ZSCAN4: variants seen among roughly 807,000 people sequenced by gnomAD.
ZSCAN4 encodes zinc finger and SCAN domain containing 4, also known as zinc finger and SCAN domain-containing protein 4.
Under a neutral mutation model 18.3 loss-of-function variants are expected in ZSCAN4, and 18 were observed. That is an observed-to-expected ratio of 0.98 (90% CI 0.68 to 1.46). The LOEUF (loss-of-function observed/expected upper bound fraction) is 1.46, where lower values mean the gene tolerates loss of function less well. Among genes scored for constraint, ZSCAN4 ranks in the 40% most tolerant of loss-of-function variants. ZSCAN4 has a pLI of 0.00. For missense variants in ZSCAN4, 498 were observed against 511.4 expected (o/e 0.97, Z 0.25); for synonymous variants, 193 against 180.3 (o/e 1.07, Z -0.57).
intron 2 of ZSCAN4, among the ~76,000 whole-genome samples, chr19:57,672,010 A>G (rs1184114969): frequency 6.6e-6 from 1 of 152,218 alleles, no homozygotes; most frequent in Non-Finnish European, 1.5e-5. Flanking sequence ...TGGAGAAAAA[A>G]CACAAAAATA....
the ZSCAN4 span, among the ~76,000 whole-genome samples, chr19:57,652,199 C>G: frequency 2.0e-5 from 3 of 152,178 alleles, no homozygotes; most frequent in African/African-American, 7.2e-5. Context: ...CATCCAGAAC[C>G]TCAAAACCCT....
At chr19:57,659,442 A>C in the ZSCAN4 span, among the ~76,000 whole-genome samples, 1 of 152,190 alleles carries the variant, frequency 6.6e-6, no homozygotes, top group Non-Finnish European at 1.5e-5. Flanking sequence ...GCTGGAGTTC[A>C]GTGGCATGAT....
the ZSCAN4 span, among the ~76,000 whole-genome samples, chr19:57,653,820 A>T: frequency 3.3e-5 from 5 of 152,268 alleles, no homozygotes; most frequent in African/African-American, 9.6e-5. Flanking sequence ...GCTGCCCTCA[A>T]AACCTTGCCC....
chr19:57,667,417 T>G (rs1176369183), upstream of ZSCAN4, among the ~76,000 whole-genome samples: 2 of 152,186 alleles, frequency 1.3e-5, no homozygotes, highest in Non-Finnish European at 2.9e-5. Flanking sequence ...TTACAGGCTA[T>G]GTAGCACTGG....
intron 1 of ZSCAN4, among the ~76,000 whole-genome samples, chr19:57,669,733 GTT>G (rs56066537): frequency 1.4e-5 from 2 of 147,672 alleles, no homozygotes; most frequent in Admixed American, 6.7e-5. Context: ...GTTTTGTTTT[GTT>G]TTTTTTTTAG....
chr19:57,667,932 C>T (rs1474482774), upstream of ZSCAN4, among the ~76,000 whole-genome samples: 1 of 151,938 alleles, frequency 6.6e-6, no homozygotes, highest in African/African-American at 2.4e-5. Context: ...GACAGAGTCT[C>T]ACTCTGTCGC....
At position 57,676,316 on chromosome 19, in the gene ZSCAN4, T is replaced by C. The variant is rs761865493; in HGVS notation, c.171T>C (p.Tyr57=). 8 of 1,614,210 alleles carry C rather than the reference T, an allele frequency of 5.0e-6. No individual in the cohort carries two copies. In the South Asian group the frequency reaches 7.7e-5, roughly 16 times the overall value. Residue 57 remains tyrosine (Y), a synonymous_variant, in exon 3 of 5, where the codon TAT becomes TAC. Coordinates refer to ENST00000318203, the Ensembl canonical transcript of ZSCAN4. The stretch of plus-strand genomic sequence containing the variant: ...CATTTCAAGACAGCAATAATTCATA[T>C]GCAAGGCAGGAATTGCAAAGACTTT...
At chr19:57,653,409 G>GAAAAAAAAAAAAAA in the ZSCAN4 span, among the ~76,000 whole-genome samples, 1 of 131,146 alleles carries the variant, frequency 7.6e-6, no homozygotes, top group African/African-American at 3.7e-5. Flanking sequence ...AAAAAAAAAG[G>GAAAAAAAAAAAAAA]AAAGAAAATC....
upstream of ZSCAN4, among the ~76,000 whole-genome samples, chr19:57,667,047 T>G (rs1983873895): frequency 6.6e-6 from 1 of 152,218 alleles, no homozygotes; most frequent in Non-Finnish European, 1.5e-5. Flanking sequence ...ATGCTGGATG[T>G]AAACGGGTCA....
intron 2 of ZSCAN4, among the ~76,000 whole-genome samples, chr19:57,672,604 CTTTTT>C (rs71188041): frequency 7.3e-6 from 1 of 137,262 alleles, no homozygotes; most frequent in Non-Finnish European, 1.6e-5. Flanking sequence ...ACATAGTTAT[CTTTTT>C]TTTTTTTTTT....
chr19:57,667,874 T>C (rs1983898252), upstream of ZSCAN4, among the ~76,000 whole-genome samples: 1 of 148,768 alleles, frequency 6.7e-6, no homozygotes, highest in African/African-American at 2.5e-5. Flanking sequence ...ACATTTTTCA[T>C]TGTTTTTTTT....
At chr19:57,673,631 C>A (rs1984089146) in intron 2 of ZSCAN4, among the ~76,000 whole-genome samples, 1 of 152,100 alleles carries the variant, frequency 6.6e-6, no homozygotes, top group Non-Finnish European at 1.5e-5. Context: ...GACCCTGTCT[C>A]AAAATAAATC....
chr19:57,657,035 CAGG>C, the ZSCAN4 span, among the ~76,000 whole-genome samples: 1 of 151,866 alleles, frequency 6.6e-6, no homozygotes, highest in East Asian at 1.9e-4. Context: ...CACTTGAGGA[CAGG>C]AGTTCAACAT....
rs1984248005 is a variant in ZSCAN4, at chr19:57,678,188, C to A, written c.585C>A (p.Gly195=). 3 of 1,613,856 alleles carry A rather than the reference C, an allele frequency of 1.9e-6. No individual in the cohort carries two copies. In the East Asian group the frequency reaches 6.7e-5, roughly 36 times the overall value. ...CAGGATATGAAGATGAACAAGATGG[C>A]TGGAACAGTTCTTCGAAAACTACTC... Residue 195 remains glycine (G), a synonymous_variant, in exon 5 of 5, where the codon GGC becomes GGA. Transcript: ENST00000318203.
chr19:57,672,882 G>T (rs1984063511), intron 2 of ZSCAN4, among the ~76,000 whole-genome samples: 2 of 152,018 alleles, frequency 1.3e-5, no homozygotes, highest in Admixed American at 6.6e-5. Context: ...GATTACAGGG[G>T]TGAGCCAATT....
intron 2 of ZSCAN4, among the ~76,000 whole-genome samples, chr19:57,674,197 G>A (rs988437491): frequency 1.3e-5 from 2 of 152,142 alleles, no homozygotes; most frequent in Non-Finnish European, 2.9e-5. Flanking sequence ...TTTAGATTCA[G>A]GGAGTACATG....
intron 2 of ZSCAN4, among the ~76,000 whole-genome samples, chr19:57,670,824 T>C (rs995110136): frequency 6.6e-6 from 1 of 152,064 alleles, no homozygotes; most frequent in Admixed American, 6.5e-5. Context: ...GACTGAAGAT[T>C]TTTCTTCAAA....
the ZSCAN4 span, among the ~76,000 whole-genome samples, chr19:57,657,676 T>C: frequency 1.3e-5 from 2 of 152,172 alleles, no homozygotes; most frequent in African/African-American, 2.4e-5. Context: ...TTCCTCAGTA[T>C]CCATGGGGGA....
At chr19:57,652,821 C>T in the ZSCAN4 span, among the ~76,000 whole-genome samples, 1 of 152,192 alleles carries the variant, frequency 6.6e-6, no homozygotes, top group South Asian at 2.1e-4. Flanking sequence ...AGACTCAGCT[C>T]TTTTTCCACA....
Sources: allele counts gnomAD v4.1 joint callset (sites outside exome capture counted in the v4.1 genomes callset), GRCh38; gene constraint gnomAD v4.1.1; transcripts MANE v1.5; gene names NCBI Gene and HGNC (gene_info 2026-07-23, HGNC 2026-07-21).